The following KCNT2 variants were observed in gnomAD, a reference collection of about 807,000 sequenced individuals.
KCNT2 encodes potassium sodium-activated channel subfamily T member 2.
A neutral mutation model predicts 153.8 loss-of-function variants in KCNT2; 67 were observed. The observed-to-expected ratio is 0.44, with a 90% confidence interval of 0.36 to 0.53. The LOEUF is 0.53. Ranked by LOEUF, KCNT2 falls within the 20% of genes least tolerant of loss-of-function variation. KCNT2 has a pLI of 0.00. For synonymous variants in KCNT2, 500 were observed against 458.8 expected, an observed-to-expected ratio of 1.09 and a Z score of -1.15; for missense variants, 975 against 1,354.8, an observed-to-expected ratio of 0.72 and a Z score of 4.40.
At chr1:196,592,227 C>G (rs71631857) in intron 1 of KCNT2, among the ~76,000 whole-genome samples, 11,446 of 151,820 alleles carry the variant, frequency 0.075, 618 homozygotes, top group Middle Eastern at 0.13. Flanking sequence ...ATGGATGGAA[C>G]TGGAGGTCAT....
rs375189287 is a variant in KCNT2, at chr1:196,326,666, C to T, written c.2276+51G>A. On this transcript the variant is annotated intron_variant, in intron 19 of 27. Coordinates refer to ENST00000294725, the MANE Select transcript of KCNT2 (RefSeq NM_198503.5). Reference sequence around the variant, plus strand: ...GGCAATTATTTTTGATATACATTAACATACTATTAAAAACAGTTTATCTTG... The same window carrying T: ...GGCAATTATTTTTGATATACATTAATATACTATTAAAAACAGTTTATCTTG... The T allele has an allele frequency of 3.7e-6, 4 of 1,072,198 alleles. No individual in the cohort carries two copies. The African/African-American group carries it at 5.0e-5, about 13-fold the overall frequency. 66.4% of individuals were successfully genotyped at this position (1,072,198 alleles called of 1,614,324 possible).
At chr1:196,480,713 G>C (rs184879569) in intron 4 of KCNT2, among the ~76,000 whole-genome samples, 1 of 151,614 alleles carries the variant, frequency 6.6e-6, no homozygotes, top group Non-Finnish European at 1.5e-5. Context: ...AAAAGTAGCC[G>C]GGCGTGGTGG....
intron 1 of KCNT2, among the ~76,000 whole-genome samples, chr1:196,592,358 T>C (rs1285544452): frequency 1.3e-5 from 2 of 150,956 alleles, no homozygotes; most frequent in Non-Finnish European, 3.0e-5. Context: ...GCTGGGAGGA[T>C]AGTGTGGGGG....
At chr1:196,433,969 T>C (rs1180815169) in intron 8 of KCNT2, among the ~76,000 whole-genome samples, 1 of 151,994 alleles carries the variant, frequency 6.6e-6, no homozygotes, top group Non-Finnish European at 1.5e-5. Flanking sequence ...GCTTTTTTCC[T>C]TTTTCTTTTT....
chr1:196,239,322 AC>A (rs1654737571), intron 26 of KCNT2, among the ~76,000 whole-genome samples: 2 of 151,994 alleles, frequency 1.3e-5, no homozygotes, highest in Admixed American at 6.6e-5. Flanking sequence ...TAATAAAATT[AC>A]TCATAAAAAC....
intron 1 of KCNT2, among the ~76,000 whole-genome samples, chr1:196,563,412 C>G (rs1659672833): frequency 1.5e-5 from 2 of 137,896 alleles, no homozygotes; most frequent in Admixed American, 1.5e-4. Context: ...AAGTGGTATT[C>G]ATCGTTATCA....
chr1:196,397,251 A>C (rs6428340), intron 13 of KCNT2, among the ~76,000 whole-genome samples: 1 of 151,310 alleles, frequency 6.6e-6, no homozygotes, highest in East Asian at 1.9e-4. Context: ...TCATCACCAT[A>C]TATATTTAAA....
chr1:196,565,587 TTA>T (rs1660010275), intron 1 of KCNT2, among the ~76,000 whole-genome samples: 1 of 137,588 alleles, frequency 7.3e-6, no homozygotes, highest in South Asian at 2.1e-4. Flanking sequence ...ATACAAATCA[TTA>T]TACATATATA....
intron 21 of KCNT2, among the ~76,000 whole-genome samples, chr1:196,306,736 CTT>C (rs988372776): frequency 4.2e-5 from 6 of 142,648 alleles, no homozygotes; most frequent in Admixed American, 7.0e-5. Flanking sequence ...TGTTTGCTTG[CTT>C]TTTTTTTTTT....
At chr1:196,399,363 T>C (rs1369459584) in intron 12 of KCNT2, among the ~76,000 whole-genome samples, 3 of 151,740 alleles carry the variant, frequency 2.0e-5, no homozygotes, top group Non-Finnish European at 4.4e-5. Context: ...AAAGGTGCTC[T>C]AGGGTAGCAC....
At chr1:196,481,795 T>G (rs1053441791) in intron 4 of KCNT2, among the ~76,000 whole-genome samples, 1 of 152,190 alleles carries the variant, frequency 6.6e-6, no homozygotes, top group Admixed American at 6.5e-5. Flanking sequence ...TCATATTTTC[T>G]TAGCCTTTCT....
intron 1 of KCNT2, among the ~76,000 whole-genome samples, chr1:196,605,976 A>G (rs2149042185): frequency 6.6e-6 from 1 of 152,330 alleles, no homozygotes; most frequent in East Asian, 1.9e-4. Context: ...CTTTACACTG[A>G]TAAGATATAA....
In KCNT2 at chr1:196,250,420, ATATC is replaced by A. The variant is rs1655855155; in HGVS notation, c.3211+7770_3211+7773del. ...CAATAAATGATTCTAGGAAAACTGG[ATATC>A]TATATGTGGAAGAATGAAGCTAGAC... On this transcript the variant is annotated intron_variant, in intron 26 of 27. Coordinates refer to ENST00000294725, the MANE Select transcript of KCNT2 (RefSeq NM_198503.5). Among the ~76,000 whole-genome samples the A allele has an allele frequency of 2.0e-5, 3 of 152,304 alleles. No homozygotes were observed. The South Asian group carries it at 6.2e-4, about 32-fold the overall frequency.
chr1:196,599,676 G>T (rs1459585423), intron 1 of KCNT2, among the ~76,000 whole-genome samples: 1 of 152,162 alleles, frequency 6.6e-6, no homozygotes, highest in Non-Finnish European at 1.5e-5. Context: ...GCTGCCAGGC[G>T]ATTGTCCCCT....
chr1:196,592,256 T>C (rs1054505419), intron 1 of KCNT2, among the ~76,000 whole-genome samples: 1 of 151,882 alleles, frequency 6.6e-6, no homozygotes, highest in Non-Finnish European at 1.5e-5. Flanking sequence ...ATAAAATAAG[T>C]CAGAAATGAC....
chr1:196,458,085 T>C lies in KCNT2; in HGVS notation c.638+7208A>G, dbSNP rs575503876. On this transcript the variant is annotated intron_variant, in intron 8 of 27. Coordinates refer to ENST00000294725, the MANE Select transcript of KCNT2 (RefSeq NM_198503.5). ...CCCCAACCTGCAACTGGGTCAAACC[T>C]ACCTGCTACAATGTCATATATAATT... is the stretch of plus-strand genomic sequence containing the variant. Among the ~76,000 whole-genome samples, 206 of 152,040 alleles carry C rather than the reference T, an allele frequency of 1.4e-3. 1 individual carries two copies. The highest frequency in any genetic ancestry group is 4.7e-3 in the African/African-American group (196 of 41,510).
intron 1 of KCNT2, among the ~76,000 whole-genome samples, chr1:196,596,828 A>G (rs896840680): frequency 1.3e-5 from 2 of 151,988 alleles, no homozygotes; most frequent in African/African-American, 4.8e-5. Context: ...CAGCCTCCCG[A>G]GTAGCTAGGA....
At chr1:196,553,635 T>C (rs542905897) in intron 1 of KCNT2, among the ~76,000 whole-genome samples, 3 of 151,168 alleles carry the variant, frequency 2.0e-5, no homozygotes, top group Admixed American at 2.0e-4. Context: ...ATAGAGCAAA[T>C]GAACACAATA....
At chr1:196,446,609 T>C (rs1675707019) in intron 8 of KCNT2, among the ~76,000 whole-genome samples, 1 of 151,528 alleles carries the variant, frequency 6.6e-6, no homozygotes, top group South Asian at 2.1e-4. Context: ...TAAATAAGCC[T>C]TCTCTGTGAA....
Sources: gnomAD v4.1 joint callset for allele counts (sites outside exome capture counted in the v4.1 genomes callset) on GRCh38, gnomAD v4.1.1 for gene constraint, MANE v1.5 for transcripts, NCBI Gene and HGNC (gene_info 2026-07-23, HGNC 2026-07-21) for gene names.